KY: variants seen among roughly 807,000 people sequenced by gnomAD.
KY encodes the protein kyphoscoliosis peptidase.
A neutral mutation model predicts 76.1 loss-of-function variants in KY; 43 were observed. That is an observed-to-expected ratio of 0.57 (90% CI 0.44 to 0.73). The LOEUF (loss-of-function observed/expected upper bound fraction) is 0.73. Among genes scored for constraint, KY ranks in the 30% least tolerant of loss-of-function variants. The pLI, the probability that KY is intolerant of heterozygous loss-of-function variation, is 0.00. For synonymous variants in KY, 277 were observed against 326.2 expected, an observed-to-expected ratio of 0.85 and a Z score of 1.63; for missense variants, 722 against 828.9, an observed-to-expected ratio of 0.87 and a Z score of 1.58.
In KY at chr3:134,650,840, G is replaced by C. The variant is rs756606784; in HGVS notation, c.121C>G (p.Leu41Val). The change falls in exon 1 of 11, where the codon CTG (leucine) becomes GTG (valine). Residue 41 changes from leucine to valine, a missense_variant. Around this residue, in one of 2 missense-constraint regions of KY, gnomAD observed 170 missense variants for 148.1 expected, o/e 1.15. Transcript: ENST00000423778. ...SDQQANPSSL[L>V]QRGGGFQGVG... The stretch of plus-strand genomic sequence containing the variant: ...CGCGCGTTACCTCCTCCGCGCTGCA[G>C]CAGCGAGCTCGGGTTCGCCTGCTGG... 1.0e-5 allele frequency: 16 copies of C among 1,604,012 alleles called. No individual in the cohort carries two copies. The highest frequency in any genetic ancestry group is 1.3e-5 in the Non-Finnish European group (15 of 1,174,278).
intron 1 of KY, among the ~76,000 whole-genome samples, 177 bp downstream of exon 1, chr3:134,650,648 G>A (rs1170888782): frequency 6.6e-6 from 1 of 152,200 alleles, no homozygotes; most frequent in African/African-American, 2.4e-5. Context: ...CCACGGGACT[G>A]CGCGTTGCCA....
At position 134,603,460 on chromosome 3, in the gene KY, G is replaced by T; in HGVS notation, c.*119C>A. On this transcript the variant is annotated 3_prime_UTR_variant, in exon 11 of 11. Coordinates refer to ENST00000423778, the MANE Select transcript of KY (RefSeq NM_178554.6). ...GGCAGAGGTGGGACACTGAGGCAGA[G>T]GCCTAGAAGGGATTTCATGCAGACT... 1 of 872,170 alleles carries T rather than the reference G, an allele frequency of 1.1e-6. No homozygotes were observed. The allele number at this position is 872,170 out of a possible 1,614,324, so 54.0% of individuals were successfully genotyped here. A position where few individuals can be genotyped will look rare whatever the true frequency, so the allele number is the denominator to read the frequency against.
At chr3:134,620,725 C>T in intron 7 of KY, 24 bp downstream of exon 7, 1 of 1,562,978 alleles carries the variant, frequency 6.4e-7, no homozygotes, top group Non-Finnish European at 8.8e-7. Context: ...ATTCTAGAGC[C>T]AGAAATTCCA....
At chr3:134,611,371 C>G (rs1534029) in intron 8 of KY, among the ~76,000 whole-genome samples, 94,830 of 152,036 alleles carry the variant, frequency 0.62, 30,096 homozygotes, top group East Asian at 0.87. Flanking sequence ...AAAGCAAGAC[C>G]CCTGGGTGTC....
intron 1 of KY, 143 bp downstream of exon 1, chr3:134,650,682 G>T: frequency 1.3e-6 from 1 of 759,406 alleles, no homozygotes; most frequent in Non-Finnish European, 2.0e-6. Flanking sequence ...CCACTGCGGG[G>T]AAGCGACGGC....
chr3:134,644,011 G>A (rs909251359), intron 2 of KY, among the ~76,000 whole-genome samples: 6 of 152,082 alleles, frequency 3.9e-5, no homozygotes, highest in African/African-American at 1.4e-4. Context: ...ATTTTTAGTA[G>A]AGACGGGGTT....
Position 134,602,708 on chromosome 3 carries a change from T to C in KY, c.*871A>G, listed in dbSNP as rs1959021701. ...GGGCAGGGGCCTGAGGCCCAGGCTC[T>C]GTGAGGGCCTGGAGGGCACTCCAGG... On this transcript the variant is annotated 3_prime_UTR_variant, in exon 11 of 11. Transcript: ENST00000423778. Among the ~76,000 whole-genome samples, 1 of 152,186 alleles carries C rather than the reference T, an allele frequency of 6.6e-6. No individual in the cohort carries two copies. Among genetic ancestry groups the C allele is most frequent in the African/African-American group, 2.4e-5 (1 of 41,462 alleles).
In KY at chr3:134,601,011, C is replaced by G. The variant is rs537773275; in HGVS notation, c.*2568G>C. On this transcript the variant is annotated 3_prime_UTR_variant, in exon 11 of 11. Transcript: ENST00000423778. Reference sequence around the variant, plus strand: ...GTGCAGCGCCGGCAGCTCCGCACTTCGGACACCTGGGGGCGCCCGTGCCAT... The same window carrying G: ...GTGCAGCGCCGGCAGCTCCGCACTTGGGACACCTGGGGGCGCCCGTGCCAT... The G allele has an allele frequency of 6.6e-6, 1 of 152,344 alleles. No homozygotes were observed. Among genetic ancestry groups the G allele is most frequent in the African/African-American group, 2.4e-5 (1 of 41,580 alleles). The allele number at this position is 152,344 out of a possible 1,614,324, so 9.4% of individuals were successfully genotyped here.
At chr3:134,625,251 A>G in intron 5 of KY, 116 bp from the exon 6 acceptor site, 1 of 793,072 alleles carries the variant, frequency 1.3e-6, no homozygotes, top group Non-Finnish European at 2.1e-6. Context: ...CACAATTCTC[A>G]AAGCCTGAAA....
At chr3:134,611,455 G>A (rs1465688410) in intron 8 of KY, among the ~76,000 whole-genome samples, 1 of 152,226 alleles carries the variant, frequency 6.6e-6, no homozygotes, top group African/African-American at 2.4e-5. Context: ...GGACTGTGCA[G>A]ACAATTTCAC....
chr3:134,646,673 ATG>A (rs1320800141), intron 2 of KY, among the ~76,000 whole-genome samples: 1 of 152,106 alleles, frequency 6.6e-6, no homozygotes, highest in East Asian at 1.9e-4. Context: ...CATTTGTGTC[ATG>A]GAGGGTGGTT....
chr3:134,608,495 T>C (rs1352544553), intron 10 of KY, 154 bp downstream of exon 10: 2 of 1,550,740 alleles, frequency 1.3e-6, no homozygotes, highest in Non-Finnish European at 1.7e-6. Context: ...CAGCCTCCAC[T>C]CATCCACATG....
At position 134,610,377 on chromosome 3, in the gene KY, G is replaced by C. The variant is rs368879663; in HGVS notation, c.717C>G (p.Ala239=). The change falls in exon 9 of 11, where the codon GCC becomes GCG. Residue 239 remains alanine, a synonymous_variant. Transcript: ENST00000423778. ...CAGGCACGGTCATACACTGCACTCC[G>C]GCGAGCCTGGGGGCAGGACAGGGGG... is the stretch of plus-strand genomic sequence containing the variant. ...AGLFERMCRL[A]GVQCMTVPGY... 1.9e-6 allele frequency: 3 copies of C among 1,610,692 alleles called. No individual in the cohort carries two copies. In the African/African-American group the frequency reaches 4.0e-5, roughly 22 times the overall value.
chr3:134,643,468 G>T, intron 2 of KY, 90 bp from the exon 3 acceptor site: 2 of 1,033,128 alleles, frequency 1.9e-6, no homozygotes, highest in Non-Finnish European at 1.5e-6. Flanking sequence ...CGGGAAAGGT[G>T]GGCTGGCGGG....
rs978982563 is a variant in KY at position 134,601,014 on chromosome 3, A to C, written c.*2565T>G. ...CAGCGCCGGCAGCTCCGCACTTCGGACACCTGGGGGCGCCCGTGCCATTCC... is the reference window on the plus strand; with the variant it reads ...CAGCGCCGGCAGCTCCGCACTTCGGCCACCTGGGGGCGCCCGTGCCATTCC... On this transcript the variant is annotated 3_prime_UTR_variant, in exon 11 of 11. Transcript: ENST00000423778. The C allele has an allele frequency of 3.9e-5, 6 of 152,150 alleles. No individual in the cohort carries two copies. The South Asian group carries it at 1.0e-3, about 26-fold the overall frequency. The allele number at this position is 152,150 out of a possible 1,614,324, so 9.4% of individuals were successfully genotyped here. A position where few individuals can be genotyped will look rare whatever the true frequency, so the allele number is the denominator to read the frequency against.
In KY at chr3:134,620,919, A is replaced by G. The variant is rs376002599; in HGVS notation, c.484-62T>C. On this transcript the variant is annotated intron_variant, in intron 6 of 10. Coordinates refer to ENST00000423778, the MANE Select transcript of KY (RefSeq NM_178554.6). ...GAGGAGGGGCTGTTGGGGGCCCAGC[A>G]TCTTGCACCTACAGCCAGTGCTGCT... 1.2e-5 allele frequency: 12 copies of G among 965,852 alleles called. No individual in the cohort carries two copies. The African/African-American group carries it at 1.4e-4, about 12-fold the overall frequency. The allele number at this position is 965,852 out of a possible 1,614,324, so 59.8% of individuals were successfully genotyped here.
At chr3:134,625,194 C>G (rs1963266745) in intron 5 of KY, 59 bp from the exon 6 acceptor site, 1 of 1,345,824 alleles carries the variant, frequency 7.4e-7, no homozygotes, top group Non-Finnish European at 1.0e-6. Context: ...GCTGCCTGGC[C>G]TAGGCCTTGC....
intron 8 of KY, among the ~76,000 whole-genome samples, chr3:134,611,390 G>A (rs1391871764): frequency 1.3e-5 from 2 of 152,166 alleles, no homozygotes; most frequent in African/African-American, 2.4e-5. Flanking sequence ...TCCTTTCATG[G>A]CCAGCTGGTC....
intron 3 of KY, among the ~76,000 whole-genome samples, chr3:134,631,537 T>C (rs1964238996): frequency 1.1e-5 from 1 of 94,102 alleles, no homozygotes; most frequent in South Asian, 3.6e-4. Context: ...TTATAACATC[T>C]GATAGGTTTT....
Sources: allele counts gnomAD v4.1 joint callset (sites outside exome capture counted in the v4.1 genomes callset), GRCh38; gene constraint gnomAD v4.1.1; regional missense constraint gnomAD v4.1.1; transcripts MANE v1.5; gene names NCBI Gene and HGNC (gene_info 2026-07-23, HGNC 2026-07-21).